Variants in PTPRD observed in about 807,000 individuals in gnomAD.
PTPRD encodes the protein receptor-type tyrosine-protein phosphatase delta.
In PTPRD, 34 loss-of-function variants were observed where a neutral mutation model predicts 214.5. That is an observed-to-expected ratio of 0.16 (90% CI 0.12 to 0.21). The LOEUF is 0.21. PTPRD is among the 10% of genes least tolerant of loss of function. The pLI, the probability that PTPRD is intolerant of heterozygous loss-of-function variation, is 1.00. For synonymous variants in PTPRD, 1,128 were observed against 845.7 expected, an observed-to-expected ratio of 1.33 and a Z score of -5.79; for missense variants, 2,545 against 2,398.7, an observed-to-expected ratio of 1.06 and a Z score of -1.27.
At chr9:10,372,403 T>C (rs1046932639) in intron 2 of PTPRD, among the ~76,000 whole-genome samples, 1 of 152,106 alleles carries the variant, frequency 6.6e-6, no homozygotes, top group African/African-American at 2.4e-5. Flanking sequence ...TGCTTAGATA[T>C]TTTTGTCATG....
At chr9:8,466,746 G>A (rs1213072045) in intron 31 of PTPRD, among the ~76,000 whole-genome samples, 1 of 151,742 alleles carries the variant, frequency 6.6e-6, no homozygotes, top group Admixed American at 6.6e-5. Flanking sequence ...GGACAAACTG[G>A]AAAAAGGAAT....
intron 9 of PTPRD, among the ~76,000 whole-genome samples, chr9:9,280,848 G>T (rs1595086314): frequency 6.6e-6 from 1 of 151,150 alleles, no homozygotes; most frequent in African/African-American, 2.4e-5. Flanking sequence ...AAGGTGGAGG[G>T]CTGACATATC....
rs763376371 is a variant in PTPRD at position 8,518,211 on chromosome 9, C to G, written c.1180G>C (p.Val394Leu). 1 of 1,614,170 alleles carries G rather than the reference C, an allele frequency of 6.2e-7. No individual in the cohort carries two copies. The highest frequency in any genetic ancestry group is 1.7e-5 in the Admixed American group (1 of 60,024). ...SPYSDYEFRV[V>L]AVNNIGRGPP... ...CCCCGCCCAATGTTATTGACAGCAACAACCCTGAATTCATAATCCGAGTAG... is the reference window on the plus strand; with the variant it reads ...CCCCGCCCAATGTTATTGACAGCAAGAACCCTGAATTCATAATCCGAGTAG... Residue 394 changes from valine (V) to leucine (L), a missense_variant, in exon 21 of 46, where the codon GTT becomes CTT. Coordinates refer to ENST00000381196, the MANE Select transcript of PTPRD (RefSeq NM_002839.4).
At position 8,818,225 on chromosome 9, in the gene PTPRD, C is replaced by A. The variant is rs141085718; in HGVS notation, c.-103-84279G>T. On this transcript the variant is annotated intron_variant, in intron 11 of 45. Transcript: ENST00000381196. The stretch of plus-strand genomic sequence containing the variant: ...TTGACTTTAAACATAAAATTGTATA[C>A]CTCATCCTAATTAAATGATAGCATT... 7.4e-4 allele frequency among the ~76,000 whole-genome samples: 112 copies of A among 152,218 alleles called. 1 individual carries two copies. Among genetic ancestry groups the A allele is most frequent in the African/African-American group, 2.6e-3 (106 of 41,514 alleles).
intron 14 of PTPRD, among the ~76,000 whole-genome samples, chr9:8,568,530 T>C (rs2154225068): frequency 6.6e-6 from 1 of 152,278 alleles, no homozygotes; most frequent in African/African-American, 2.4e-5. Context: ...AGGCTGATTA[T>C]TAACCTTCGG....
rs577586105 is a variant in PTPRD at position 8,521,617 on chromosome 9, T to C, written c.692-71A>G. The C allele has an allele frequency of 6.6e-6, 10 of 1,514,014 alleles. No homozygotes were observed. In the Admixed American group the frequency reaches 1.4e-4, roughly 22 times the overall value. The allele number at this position is 1,514,014 out of a possible 1,614,324, so 93.8% of individuals were successfully genotyped here. A position where few individuals can be genotyped will look rare whatever the true frequency, so the allele number is the denominator to read the frequency against. ...AAAGTGGATTATTAAACACATGACA[T>C]GCACCGTACAGACACGATTCAACAA... is the stretch of plus-strand genomic sequence containing the variant. On this transcript the variant is annotated intron_variant, in intron 19 of 45. Transcript: ENST00000381196.
At chr9:9,769,899 G>T (rs966485658) in intron 5 of PTPRD, among the ~76,000 whole-genome samples, 1 of 152,042 alleles carries the variant, frequency 6.6e-6, no homozygotes, top group African/African-American at 2.4e-5. Flanking sequence ...TGAGAATGAC[G>T]GTTTCCAGCT....
chr9:8,638,577 T>C (rs547213781), intron 12 of PTPRD, among the ~76,000 whole-genome samples: 1 of 152,342 alleles, frequency 6.6e-6, no homozygotes, highest in South Asian at 2.1e-4. Flanking sequence ...TAGCTTTATA[T>C]ATTATTTCCA....
chr9:10,226,854 T>C (rs189515373), intron 3 of PTPRD, among the ~76,000 whole-genome samples: 1 of 152,190 alleles, frequency 6.6e-6, no homozygotes, highest in Admixed American at 6.6e-5. Context: ...CTGTATATAT[T>C]TACCACTCAT....
At chr9:9,999,928 T>G (rs1364665799) in intron 4 of PTPRD, among the ~76,000 whole-genome samples, 1 of 152,200 alleles carries the variant, frequency 6.6e-6, no homozygotes, top group Non-Finnish European at 1.5e-5. Context: ...AATGACCGGT[T>G]GTTTAGAGAA....
chr9:9,958,018 T>G (rs371542510), intron 4 of PTPRD, among the ~76,000 whole-genome samples: 28 of 142,250 alleles, frequency 2.0e-4, no homozygotes, highest in African/African-American at 6.3e-4. Context: ...GGAAGTTCAT[T>G]TGTGTATGTG....
intron 10 of PTPRD, among the ~76,000 whole-genome samples, chr9:9,152,020 A>G (rs565237789): frequency 6.6e-6 from 1 of 152,348 alleles, no homozygotes; most frequent in African/African-American, 2.4e-5. Flanking sequence ...AGAGTAACAC[A>G]GATAGCAGAG....
Position 8,826,664 on chromosome 9 carries a change from A to G in PTPRD, c.-103-92718T>C, listed in dbSNP as rs78740517. ...TTTTTTTCTATATAGTGCTTATCCA[A>G]TTTGCAATTGTGTATTCATCCATTA... On this transcript the variant is annotated intron_variant, in intron 11 of 45. Transcript: ENST00000381196. 1.0e-3 allele frequency among the ~76,000 whole-genome samples: 154 copies of G among 147,076 alleles called. 2 individuals carry two copies. The East Asian group carries it at 0.024, about 23-fold the overall frequency.
chr9:9,196,465 G>A (rs1012842167), intron 9 of PTPRD, among the ~76,000 whole-genome samples: 3 of 152,100 alleles, frequency 2.0e-5, no homozygotes, highest in Non-Finnish European at 2.9e-5. Flanking sequence ...TACCAATGTT[G>A]TGTTCATACA....
At chr9:9,915,397 T>A in intron 5 of PTPRD, among the ~76,000 whole-genome samples, 1 of 151,484 alleles carries the variant, frequency 6.6e-6, no homozygotes, top group African/African-American at 2.4e-5. Context: ...TAAGGAAATA[T>A]ATGAAATGCC....
chr9:10,034,229 A>C (rs114774215), intron 3 of PTPRD, among the ~76,000 whole-genome samples: 1,686 of 152,142 alleles, frequency 0.011, 30 homozygotes, highest in African/African-American at 0.037. Flanking sequence ...TTTTAATGCC[A>C]AACAATTGTC....
At chr9:8,691,620 T>C (rs2097803025) in intron 12 of PTPRD, among the ~76,000 whole-genome samples, 1 of 152,176 alleles carries the variant, frequency 6.6e-6, no homozygotes, top group Non-Finnish European at 1.5e-5. Context: ...AATATACTTA[T>C]TGGTACAAAC....
chr9:10,581,157 A>G (rs1352565248), intron 2 of PTPRD, among the ~76,000 whole-genome samples: 4 of 152,194 alleles, frequency 2.6e-5, no homozygotes, highest in Non-Finnish European at 5.9e-5. Context: ...CAGAGCTATT[A>G]TGAGAATTAA....
intron 5 of PTPRD, among the ~76,000 whole-genome samples, chr9:9,927,895 G>C (rs1411970187): frequency 6.6e-6 from 1 of 152,126 alleles, no homozygotes; most frequent in Non-Finnish European, 1.5e-5. Flanking sequence ...ATGCAGTTGA[G>C]AGGTTGGCGA....
Sources: gnomAD v4.1 joint callset for allele counts (sites outside exome capture counted in the v4.1 genomes callset) on GRCh38, gnomAD v4.1.1 for gene constraint, MANE v1.5 for transcripts, NCBI Gene and HGNC (gene_info 2026-07-23, HGNC 2026-07-21) for gene names.